Variants in ECM2 observed in about 807,000 individuals in gnomAD.
ECM2 encodes extracellular matrix protein 2, female organ and adipocyte specific.
A neutral mutation model predicts 67.5 loss-of-function variants in ECM2; 57 were observed. The observed-to-expected ratio is 0.84, with a 90% CI of 0.68 to 1.05. ECM2 has a LOEUF of 1.05. Among genes scored for constraint, ECM2 ranks in the 50% least tolerant of loss-of-function variants. ECM2 has a pLI of 0.00. For missense variants in ECM2, 741 were observed against 822.8 expected (o/e 0.90, Z 1.22); for synonymous variants, 258 against 294.5 (o/e 0.88, Z 1.27).
chr9:92,533,899 AT>A lies in ECM2; in HGVS notation c.-28+2033del, dbSNP rs534376181. Among the ~76,000 whole-genome samples, 36 of 151,724 alleles carry A rather than the reference AT, an allele frequency of 2.4e-4. 1 individual carries two copies. In the East Asian group the frequency reaches 6.4e-3, roughly 27 times the overall value. On this transcript the variant is annotated intron_variant, in intron 1 of 9. Coordinates refer to ENST00000344604, the MANE Select transcript of ECM2 (RefSeq NM_001393.4). ...TCTGATTCTCATCCCTTTGTAAGAA[AT>A]TTTTTTTCTTTCTATAGAAATTTTT...
rs538021770 is a variant in ECM2 at position 92,505,802 on chromosome 9, G to A, written c.1307-112C>T. ...CCGGTTTATTTGGAGGGCAAATACAGTTTTTTTTAAACCTTTGTATCCTCC... is the reference window on the plus strand; with the variant it reads ...CCGGTTTATTTGGAGGGCAAATACAATTTTTTTTAAACCTTTGTATCCTCC... On this transcript the variant is annotated intron_variant, in intron 6 of 9. Coordinates refer to ENST00000344604, the MANE Select transcript of ECM2 (RefSeq NM_001393.4). 1.9e-4 allele frequency: 161 copies of A among 854,334 alleles called. No homozygotes were observed. In the African/African-American group the frequency reaches 2.7e-3, roughly 14 times the overall value. 52.9% of individuals were successfully genotyped at this position (854,334 alleles called of 1,614,324 possible). A position where few individuals can be genotyped will look rare whatever the true frequency, so the allele number is the denominator to read the frequency against.
rs1846341107 is a variant in ECM2, at chr9:92,496,328, T to G, written c.2087A>C (p.Gln696Pro). 17 of 1,581,652 alleles carry G rather than the reference T, an allele frequency of 1.1e-5. No homozygotes were observed. Among genetic ancestry groups the G allele is most frequent in the Non-Finnish European group, 1.4e-5 (16 of 1,169,118 alleles). ...GAAAACTTGGAATTACTTGATGTTT[T>G]GTGGTTTAAGAACGATACTTGAGTA... is the stretch of plus-strand genomic sequence containing the variant. ...RSYSSIVLKP[Q>P]NIK Residue 696 changes from glutamine (Q) to proline (P), a missense_variant, in exon 10 of 10, where the codon CAA becomes CCA. Coordinates refer to ENST00000344604, the MANE Select transcript of ECM2 (RefSeq NM_001393.4).
At chr9:92,556,305 A>G in the ECM2 span, among the ~76,000 whole-genome samples, 2 of 152,182 alleles carry the variant, frequency 1.3e-5, no homozygotes, top group Admixed American at 6.5e-5. Flanking sequence ...TTTATGGCCT[A>G]TCATATGGTC....
chr9:92,547,336 A>G, the ECM2 span, among the ~76,000 whole-genome samples: 1 of 152,262 alleles, frequency 6.6e-6, no homozygotes, highest in African/African-American at 2.4e-5. Context: ...ATATGTCCAC[A>G]TGAAAACTTG....
At chr9:92,545,781 A>C in the ECM2 span, among the ~76,000 whole-genome samples, 1 of 152,366 alleles carries the variant, frequency 6.6e-6, no homozygotes, top group East Asian at 1.9e-4. Flanking sequence ...TAGATATACC[A>C]GTCAGCACTC....
intron 9 of ECM2, among the ~76,000 whole-genome samples, chr9:92,500,486 A>T (rs1181150166): frequency 6.6e-6 from 1 of 152,236 alleles, no homozygotes. Context: ...CCTGACCAAA[A>T]GATGTTTTAA....
intron 6 of ECM2, among the ~76,000 whole-genome samples, chr9:92,509,608 C>A (rs1443834238): frequency 6.6e-6 from 1 of 152,154 alleles, no homozygotes; most frequent in Admixed American, 6.5e-5. Flanking sequence ...TAGCGTAATT[C>A]TTCAGATATT....
Position 92,496,228 on chromosome 9 carries a change from G to C in ECM2, c.*87C>G, listed in dbSNP as rs1418237455. 2.0e-6 allele frequency: 3 copies of C among 1,488,944 alleles called. No homozygotes were observed. The highest frequency in any genetic ancestry group is 2.7e-6 in the Non-Finnish European group (3 of 1,131,368). 92.2% of individuals were successfully genotyped at this position (1,488,944 alleles called of 1,614,324 possible). On this transcript the variant is annotated 3_prime_UTR_variant, in exon 10 of 10. Coordinates refer to ENST00000344604, the MANE Select transcript of ECM2 (RefSeq NM_001393.4). ...GCATATAATGATACTGAGTATAACA[G>C]GAGGATTATGTCTCTCTTATTAATG...
upstream of ECM2, among the ~76,000 whole-genome samples, chr9:92,536,421 T>G (rs1588252892): frequency 6.6e-6 from 1 of 152,294 alleles, no homozygotes; most frequent in South Asian, 2.1e-4. Context: ...GGAATCTATT[T>G]TAAATTGGAT....
intron 2 of ECM2, among the ~76,000 whole-genome samples, chr9:92,518,297 A>G (rs2131224847): frequency 6.6e-6 from 1 of 152,324 alleles, no homozygotes. Flanking sequence ...TCACTGCGGT[A>G]GTGGAAATGT....
intron 9 of ECM2, among the ~76,000 whole-genome samples, chr9:92,497,781 G>A (rs1462235565): frequency 6.6e-6 from 1 of 151,576 alleles, no homozygotes; most frequent in African/African-American, 2.4e-5. Flanking sequence ...GGGTCATGGG[G>A]GGCAAGTCAC....
upstream of ECM2, among the ~76,000 whole-genome samples, chr9:92,536,820 C>T (rs72754445): frequency 0.04 from 6,045 of 151,920 alleles, 185 homozygotes; most frequent in South Asian, 0.098. Context: ...TATGAAGGTC[C>T]TAACTCAGTG....
Position 92,495,428 on chromosome 9 carries a change from G to C in ECM2, c.*887C>G, listed in dbSNP as rs1420962858. ...TGTATTTCAGTAAATTAAGGCAAAG[G>C]AGATAGATGCTATGACCAGTGGTGC... On this transcript the variant is annotated 3_prime_UTR_variant, in exon 10 of 10. Transcript: ENST00000344604. 1 of 985,248 alleles carries C rather than the reference G, an allele frequency of 1.0e-6. No individual in the cohort carries two copies. The highest frequency in any genetic ancestry group is 1.7e-5 in the African/African-American group (1 of 57,332). The allele number at this position is 985,248 out of a possible 1,614,324, so 61.0% of individuals were successfully genotyped here. A position where few individuals can be genotyped will look rare whatever the true frequency, so the allele number is the denominator to read the frequency against.
chr9:92,522,982 G>T, intron 1 of ECM2, 89 bp from the exon 2 acceptor site: 2 of 1,249,490 alleles, frequency 1.6e-6, no homozygotes, highest in Middle Eastern at 2.8e-4. Flanking sequence ...GCCTCAGTAG[G>T]CAAGTCTTTG....
chr9:92,495,813 TTA>T lies in ECM2; in HGVS notation c.*500_*501del. 5.2e-6 allele frequency: 5 copies of T among 956,534 alleles called. No homozygotes were observed. Among genetic ancestry groups the T allele is most frequent in the Non-Finnish European group, 6.2e-6 (5 of 803,680 alleles). The allele number at this position is 956,534 out of a possible 1,614,324, so 59.3% of individuals were successfully genotyped here. The stretch of plus-strand genomic sequence containing the variant: ...AAGCTACCCCAATATTCAGTTATAT[TTA>T]TACCAGTAATTATAGCACAGGACCT... On this transcript the variant is annotated 3_prime_UTR_variant, in exon 10 of 10. Coordinates refer to ENST00000344604, the MANE Select transcript of ECM2 (RefSeq NM_001393.4).
chr9:92,496,590 G>C, intron 9 of ECM2, 107 bp from the exon 10 acceptor site: 2 of 1,376,714 alleles, frequency 1.5e-6, no homozygotes, highest in African/African-American at 1.5e-5. Flanking sequence ...AATAAAGTTG[G>C]ATCCTTATAG....
chr9:92,544,834 G>A, the ECM2 span, among the ~76,000 whole-genome samples: 1 of 150,946 alleles, frequency 6.6e-6, no homozygotes, highest in African/African-American at 2.4e-5. Flanking sequence ...TCCTGCCTCA[G>A]CCTCCCCAGT....
chr9:92,550,933 C>T, the ECM2 span, among the ~76,000 whole-genome samples: 1 of 152,176 alleles, frequency 6.6e-6, no homozygotes, highest in Non-Finnish European at 1.5e-5. Context: ...GCTCTTTCCC[C>T]AGCTCCATAT....
rs765700180 is a variant in ECM2 at position 92,514,637 on chromosome 9, G to C, written c.1048C>G (p.Leu350Val). ...LTAPQITSLELTGNSIASIPD... is the reference protein window; with the variant it reads ...LTAPQITSLEVTGNSIASIPD... ...AGAAGTCAACATCTCTTACCAGTGA[G>C]CTCCAGACTTGTTATCTGTGGTGCT... The change falls in exon 4 of 10, where the codon CTC (leucine) becomes GTC (valine). Residue 350 changes from leucine to valine, a missense_variant. Coordinates refer to ENST00000344604, the MANE Select transcript of ECM2 (RefSeq NM_001393.4). 2.0e-5 allele frequency: 32 copies of C among 1,577,968 alleles called. No homozygotes were observed. The highest frequency in any genetic ancestry group is 2.8e-5 in the Non-Finnish European group (32 of 1,160,026).
Sources: allele counts gnomAD v4.1 joint callset (sites outside exome capture counted in the v4.1 genomes callset), GRCh38; gene constraint gnomAD v4.1.1; transcripts MANE v1.5; gene names NCBI Gene and HGNC (gene_info 2026-07-23, HGNC 2026-07-21).